Variants in DLGAP1 observed in about 807,000 individuals in gnomAD.
DLGAP1 encodes disks large-associated protein 1.
DLGAP1 carries 11 observed loss-of-function variants against 90.8 expected under a neutral mutation model. The observed-to-expected ratio is 0.12, with a 90% CI of 0.08 to 0.20. The LOEUF is 0.20. DLGAP1 is among the 10% of genes least tolerant of loss of function. DLGAP1 has a pLI of 1.00. For missense variants in DLGAP1, 1,050 were observed against 1,333.8 expected (o/e 0.79, Z 3.31); for synonymous variants, 558 against 540.7 (o/e 1.03, Z -0.44).
At chr18:4,284,607 T>C (rs593462) in intron 1 of DLGAP1, among the ~76,000 whole-genome samples, 68,679 of 151,936 alleles carry the variant, frequency 0.45, 17,368 homozygotes, top group East Asian at 0.58. Context: ...AAGTTTCACA[T>C]ACTTAGTCAC....
At position 3,729,201 on chromosome 18, in the gene DLGAP1, C is replaced by A; in HGVS notation, c.1525G>T (p.Val509Leu). 6.2e-7 allele frequency: 1 copy of A among 1,613,764 alleles called. No individual in the cohort carries two copies. Among genetic ancestry groups the A allele is most frequent in the Non-Finnish European group, 8.5e-7 (1 of 1,179,884 alleles). The change falls in exon 7 of 13, where the codon GTG becomes TTG. Residue 509 changes from valine to leucine, a missense_variant. Physicochemically the swap from Val to Leu is conservative, Grantham distance 32. Transcript: ENST00000315677. The surrounding 1 kb of genome is among the most constrained non-coding windows in gnomAD (Gnocchi z 6.2). ...GGCGGCGAGGACGACCTCAGGGACA[C>A]GCACTCGTCGTCCTGGGAGCAGCCT... Reference protein sequence around the residue: ...EKGCSQDDECVSLRSSSPPRT... With the variant: ...EKGCSQDDECLSLRSSSPPRT...
intron 1 of DLGAP1, among the ~76,000 whole-genome samples, chr18:4,375,529 C>T (rs1043346061): frequency 3.9e-5 from 6 of 152,124 alleles, no homozygotes; most frequent in African/African-American, 1.4e-4. Context: ...CTGAGACCAA[C>T]CAACCTGAGA....
intron 1 of DLGAP1, among the ~76,000 whole-genome samples, chr18:4,168,299 C>T (rs2076965138): frequency 6.6e-6 from 1 of 152,118 alleles, no homozygotes; most frequent in Non-Finnish European, 1.5e-5. Flanking sequence ...ATATGTTCAA[C>T]TGGTTTTTGA....
chr18:3,901,049 G>A (rs927649740), intron 3 of DLGAP1, among the ~76,000 whole-genome samples: 7 of 151,898 alleles, frequency 4.6e-5, no homozygotes, highest in Non-Finnish European at 8.8e-5. Flanking sequence ...ACAGCCCCTC[G>A]TGATCTTGCT....
intron 8 of DLGAP1, among the ~76,000 whole-genome samples, chr18:3,574,428 C>T (rs1464731782): frequency 1.3e-5 from 2 of 152,122 alleles, no homozygotes; most frequent in Non-Finnish European, 2.9e-5. Flanking sequence ...TCATTTATTT[C>T]AAAATAATCT....
intron 7 of DLGAP1, among the ~76,000 whole-genome samples, chr18:3,670,615 C>T (rs939067620): frequency 8.3e-6 from 1 of 120,926 alleles, no homozygotes; most frequent in African/African-American, 4.9e-5. Context: ...TTCTCTAAGC[C>T]TAAAGTGAAA....
At chr18:4,276,927 G>A (rs934024391) in intron 1 of DLGAP1, among the ~76,000 whole-genome samples, 3 of 152,160 alleles carry the variant, frequency 2.0e-5, no homozygotes, top group Non-Finnish European at 4.4e-5. Context: ...TAAATTATTT[G>A]TTAAATATGC....
In DLGAP1 at chr18:4,252,689, T is replaced by C. The variant is rs1178822426; in HGVS notation, c.-266-101402A>G. On this transcript the variant is annotated intron_variant, in intron 1 of 12. Transcript: ENST00000315677. Reference sequence around the variant, plus strand: ...ACAAAACAAAACTGTTAGGTTTCCCTTCAATTTCGACCGTAATAATTTTTG... The same window carrying C: ...ACAAAACAAAACTGTTAGGTTTCCCCTCAATTTCGACCGTAATAATTTTTG... Among the ~76,000 whole-genome samples the C allele has an allele frequency of 2.0e-5, 3 of 152,356 alleles. No individual in the cohort carries two copies. The East Asian group carries it at 5.8e-4, about 29-fold the overall frequency.
At chr18:4,419,739 C>T (rs1366156774) in intron 1 of DLGAP1, among the ~76,000 whole-genome samples, 5 of 151,442 alleles carry the variant, frequency 3.3e-5, no homozygotes, top group African/African-American at 7.3e-5. Flanking sequence ...ATATTTATTG[C>T]AAATCACAGA....
chr18:4,216,429 G>T (rs117399524), intron 1 of DLGAP1, among the ~76,000 whole-genome samples: 3,054 of 152,002 alleles, frequency 0.02, 42 homozygotes, highest in Non-Finnish European at 0.03. Flanking sequence ...TTTTCTACCT[G>T]TTTATTTTCA....
At chr18:4,387,218 A>C (rs2082247455) in intron 1 of DLGAP1, among the ~76,000 whole-genome samples, 1 of 152,204 alleles carries the variant, frequency 6.6e-6, no homozygotes, top group Non-Finnish European at 1.5e-5. Context: ...GGCATTTATT[A>C]AGCCTCTATA....
intron 1 of DLGAP1, among the ~76,000 whole-genome samples, chr18:4,367,295 C>T (rs999569856): frequency 6.6e-6 from 1 of 151,888 alleles, no homozygotes; most frequent in African/African-American, 2.4e-5. Flanking sequence ...GAAAAATAAA[C>T]TAGCCAATGT....
chr18:4,271,130 CA>C (rs1332060316), intron 1 of DLGAP1, among the ~76,000 whole-genome samples: 1 of 152,074 alleles, frequency 6.6e-6, no homozygotes, highest in Non-Finnish European at 1.5e-5. Flanking sequence ...CAGCTTTCTC[CA>C]AGCTGGTTTC....
At chr18:3,514,059 T>C (rs561094266) in intron 10 of DLGAP1, among the ~76,000 whole-genome samples, 100 of 152,180 alleles carry the variant, frequency 6.6e-4, no homozygotes, top group South Asian at 1.5e-3. Context: ...TCAAGAGGAG[T>C]TAGGTCTCTA....
intron 1 of DLGAP1, among the ~76,000 whole-genome samples, chr18:4,358,140 G>A (rs1043819046): frequency 6.6e-6 from 1 of 152,192 alleles, no homozygotes; most frequent in Non-Finnish European, 1.5e-5. Context: ...GAACAAAACA[G>A]CCAATAATCG....
chr18:3,530,811 T>C (rs568187980), intron 10 of DLGAP1, among the ~76,000 whole-genome samples: 3 of 152,204 alleles, frequency 2.0e-5, no homozygotes, highest in African/African-American at 7.2e-5. Flanking sequence ...CACTGCCAAG[T>C]TGTTTGCACT....
chr18:4,222,138 C>G (rs1283016017), intron 1 of DLGAP1, among the ~76,000 whole-genome samples: 2 of 151,984 alleles, frequency 1.3e-5, no homozygotes, highest in Non-Finnish European at 2.9e-5. Flanking sequence ...TATTTTCTTT[C>G]TTTACTTAAA....
intron 6 of DLGAP1, among the ~76,000 whole-genome samples, chr18:3,740,895 C>T (rs1473762704): frequency 6.7e-6 from 1 of 148,894 alleles, no homozygotes. Context: ...ACAACCACCA[C>T]TGCCACCCAT....
At chr18:4,393,771 C>T (rs1290535797) in intron 1 of DLGAP1, among the ~76,000 whole-genome samples, 4 of 152,188 alleles carry the variant, frequency 2.6e-5, no homozygotes, top group Non-Finnish European at 2.9e-5. Flanking sequence ...TTCCACAGAC[C>T]GGGGGCAGGG....
Sources: gnomAD v4.1 joint callset for allele counts (sites outside exome capture counted in the v4.1 genomes callset) on GRCh38, gnomAD v4.1.1 for gene constraint, Gnocchi (gnomAD v3.1) non-coding constraint, MANE v1.5 for transcripts, NCBI Gene and HGNC (gene_info 2026-07-23, HGNC 2026-07-21) for gene names.